TTC27: variants seen among roughly 807,000 people sequenced by gnomAD.
TTC27 encodes the protein tetratricopeptide repeat protein 27.
Under a neutral mutation model 115.9 loss-of-function variants are expected in TTC27, and 79 were observed. The observed-to-expected ratio is 0.68, with a 90% CI of 0.57 to 0.82. TTC27 has a LOEUF of 0.82. Among genes scored for constraint, TTC27 ranks in the 40% least tolerant of loss-of-function variants. The pLI is 0.00. For missense variants in TTC27, 1,054 were observed against 993.1 expected (o/e 1.06, Z -0.82); for synonymous variants, 401 against 356.0 (o/e 1.13, Z -1.42).
chr2:32,676,663 G>A (rs913205982), intron 8 of TTC27, among the ~76,000 whole-genome samples: 1 of 151,704 alleles, frequency 6.6e-6, no homozygotes, highest in Non-Finnish European at 1.5e-5. Flanking sequence ...GCTAATTTTT[G>A]TAGTTTTAGT....
At chr2:32,659,768 T>G (rs551228749) in intron 5 of TTC27, among the ~76,000 whole-genome samples, 5 of 152,258 alleles carry the variant, frequency 3.3e-5, no homozygotes, top group African/African-American at 1.2e-4. Context: ...ATGCAGTGTT[T>G]GGTTTTCTGT....
intron 13 of TTC27, among the ~76,000 whole-genome samples, chr2:32,774,098 T>G (rs1174477553): frequency 1.3e-5 from 2 of 152,128 alleles, no homozygotes; most frequent in Non-Finnish European, 2.9e-5. Context: ...TAACTTTGTA[T>G]AGTAATAATA....
intron 16 of TTC27, among the ~76,000 whole-genome samples, chr2:32,799,337 T>C (rs192890269): frequency 1.3e-5 from 2 of 152,304 alleles, no homozygotes; most frequent in African/African-American, 2.4e-5. Flanking sequence ...TATGAATGTA[T>C]TTAATACTGA....
At position 32,733,812 on chromosome 2, in the gene TTC27, A is replaced by C. The variant is rs1419933653; in HGVS notation, c.1234-16A>C. The C allele has an allele frequency of 6.5e-7, 1 of 1,535,552 alleles. No individual in the cohort carries two copies. Among genetic ancestry groups the C allele is most frequent in the South Asian group, 1.2e-5 (1 of 86,604 alleles). On this transcript the variant is annotated splice_polypyrimidine_tract_variant and intron_variant, in intron 10 of 19. Transcript: ENST00000317907. ...GTTATACATATAGATTCTGATTGTGATATATGTCCTTTAAGGCTCTTGCAG... is the reference window on the plus strand; with the variant it reads ...GTTATACATATAGATTCTGATTGTGCTATATGTCCTTTAAGGCTCTTGCAG...
intron 13 of TTC27, among the ~76,000 whole-genome samples, chr2:32,773,209 T>G (rs1669886006): frequency 6.6e-6 from 1 of 152,202 alleles, no homozygotes; most frequent in African/African-American, 2.4e-5. Context: ...GAAAGGTTAT[T>G]GGCTGCATAC....
intron 15 of TTC27, among the ~76,000 whole-genome samples, chr2:32,783,389 T>A (rs1670246128): frequency 6.6e-6 from 1 of 152,184 alleles, no homozygotes; most frequent in Non-Finnish European, 1.5e-5. Context: ...AAATGCAGAA[T>A]GACAGGAATG....
intron 9 of TTC27, among the ~76,000 whole-genome samples, chr2:32,697,307 C>A (rs1471105415): frequency 6.6e-6 from 1 of 152,128 alleles, no homozygotes; most frequent in African/African-American, 2.4e-5. Flanking sequence ...CTCTTATTAT[C>A]AAGGCTGAAA....
At chr2:32,769,355 CT>C (rs1412610391) in intron 13 of TTC27, among the ~76,000 whole-genome samples, 1 of 152,168 alleles carries the variant, frequency 6.6e-6, no homozygotes, top group African/African-American at 2.4e-5. Context: ...TTGGAGCTCA[CT>C]GATGACATTC....
intron 4 of TTC27, among the ~76,000 whole-genome samples, chr2:32,644,897 G>A (rs1269817245): frequency 3.5e-5 from 2 of 57,888 alleles, no homozygotes; most frequent in Non-Finnish European, 6.3e-5. Flanking sequence ...TTTTGGAGAT[G>A]TTGTCTTGCT....
chr2:32,631,325 A>G (rs1470750417), intron 2 of TTC27, among the ~76,000 whole-genome samples: 1 of 152,046 alleles, frequency 6.6e-6, no homozygotes, highest in Non-Finnish European at 1.5e-5. Context: ...AAAAACAAAA[A>G]ACATACTTTC....
chr2:32,771,248 C>A (rs898477170), intron 13 of TTC27, among the ~76,000 whole-genome samples: 1 of 152,190 alleles, frequency 6.6e-6, no homozygotes, highest in Non-Finnish European at 1.5e-5. Context: ...AGGTGTCTAA[C>A]ATATTTCCTG....
chr2:32,634,494 G>T (rs1664337657), intron 3 of TTC27, among the ~76,000 whole-genome samples: 1 of 151,596 alleles, frequency 6.6e-6, no homozygotes, highest in Admixed American at 6.6e-5. Flanking sequence ...TTGCCATGTT[G>T]CCCAGGCTGG....
rs577316983 is a variant in TTC27 at position 32,730,633 on chromosome 2, T to A, written c.1234-3195T>A. ...TCAAGACTTTCTTATTTTTTTTTTT[T>A]TTTTTCTTGAGACAGTCTCACTCTG... On this transcript the variant is annotated intron_variant, in intron 10 of 19. Transcript: ENST00000317907. 2.6e-5 allele frequency among the ~76,000 whole-genome samples: 4 copies of A among 151,806 alleles called. No homozygotes were observed. The East Asian group carries it at 7.7e-4, about 29-fold the overall frequency.
chr2:32,798,704 C>CAAAA lies in TTC27; in HGVS notation c.1998+11563_1998+11566dup, dbSNP rs1168987401. Reference sequence around the variant, plus strand: ...TGGGCAACAGAGCGAGACTCCAGCTCAAAAAAAAAAATAATAATAATAATA... The same window carrying CAAAA: ...TGGGCAACAGAGCGAGACTCCAGCTCAAAAAAAAAAAAAAATAATAATAATAATA... On this transcript the variant is annotated intron_variant, in intron 16 of 19. Transcript: ENST00000317907. 1.9e-3 allele frequency among the ~76,000 whole-genome samples: 226 copies of CAAAA among 121,164 alleles called. 2 individuals carry two copies. Among genetic ancestry groups the CAAAA allele is most frequent in the African/African-American group, 7.7e-3 (219 of 28,404 alleles). The allele number at this position is 121,164 out of a possible 152,430, so 79.5% of individuals were successfully genotyped here. A position where few individuals can be genotyped will look rare whatever the true frequency, so the allele number is the denominator to read the frequency against.
chr2:32,683,991 TAA>T (rs933427032), intron 9 of TTC27, among the ~76,000 whole-genome samples: 1 of 150,476 alleles, frequency 6.6e-6, no homozygotes, highest in East Asian at 1.9e-4. Flanking sequence ...CTGTCTCTGC[TAA>T]AAAAAAATAC....
At chr2:32,679,295 T>A (rs1023838500) in intron 9 of TTC27, among the ~76,000 whole-genome samples, 26 of 152,218 alleles carry the variant, frequency 1.7e-4, no homozygotes, top group Non-Finnish European at 5.9e-5. Context: ...GTGCATTGGT[T>A]ACTTCTAGGA....
chr2:32,713,954 G>T (rs1667668547), intron 10 of TTC27, among the ~76,000 whole-genome samples: 2 of 152,052 alleles, frequency 1.3e-5, no homozygotes, highest in Admixed American at 6.6e-5. Flanking sequence ...AATGTCTGTT[G>T]TTCCCTTCTT....
At chr2:32,650,533 T>C (rs1665077051) in intron 5 of TTC27, among the ~76,000 whole-genome samples, 1 of 151,938 alleles carries the variant, frequency 6.6e-6, no homozygotes, top group Non-Finnish European at 1.5e-5. Flanking sequence ...TAAAGATATT[T>C]TAATATTTTC....
At chr2:32,696,716 G>C (rs915622309) in intron 9 of TTC27, among the ~76,000 whole-genome samples, 2 of 152,168 alleles carry the variant, frequency 1.3e-5, no homozygotes, top group Non-Finnish European at 2.9e-5. Flanking sequence ...TTTCAGGCAT[G>C]ACCCAGAAAT....
Sources: allele counts gnomAD v4.1 joint callset (sites outside exome capture counted in the v4.1 genomes callset), GRCh38; gene constraint gnomAD v4.1.1; transcripts MANE v1.5; gene names NCBI Gene and HGNC (gene_info 2026-07-23, HGNC 2026-07-21).